Variants in KCNH1 observed in about 807,000 individuals in gnomAD.
The protein encoded by KCNH1 is voltage-gated delayed rectifier potassium channel KCNH1.
In KCNH1, 27 loss-of-function variants were observed where a neutral mutation model predicts 69.2. The observed-to-expected ratio is 0.39, with a 90% CI of 0.29 to 0.54. The LOEUF is 0.54. Among genes scored for constraint, KCNH1 ranks in the 20% least tolerant of loss-of-function variants. The pLI is 0.68. For synonymous variants in KCNH1, 456 were observed against 487.7 expected, an observed-to-expected ratio of 0.93 and a Z score of 0.86; for missense variants, 798 against 1,261.6, an observed-to-expected ratio of 0.63 and a Z score of 5.57.
chr1:211,009,746 C>T (rs1689358598), intron 6 of KCNH1, among the ~76,000 whole-genome samples: 1 of 151,796 alleles, frequency 6.6e-6, no homozygotes. Flanking sequence ...GTGGCTGGGA[C>T]TAGAGGTGCT....
chr1:210,839,331 T>C (rs1280075565), intron 7 of KCNH1, among the ~76,000 whole-genome samples: 1 of 152,192 alleles, frequency 6.6e-6, no homozygotes, highest in East Asian at 1.9e-4. Context: ...ATACTACATG[T>C]TCTCACTTAT....
At chr1:210,712,335 A>G (rs1275085820) in intron 10 of KCNH1, among the ~76,000 whole-genome samples, 2 of 152,220 alleles carry the variant, frequency 1.3e-5, no homozygotes, top group Non-Finnish European at 2.9e-5. Context: ...TTCACATCAA[A>G]TCAACACCTC....
intron 6 of KCNH1, among the ~76,000 whole-genome samples, chr1:210,971,797 T>C (rs911134038): frequency 1.3e-5 from 2 of 152,156 alleles, no homozygotes; most frequent in African/African-American, 4.8e-5. Flanking sequence ...ATACATTGTA[T>C]ATATTATATA....
chr1:210,694,445 GAA>G (rs1681594349), intron 10 of KCNH1, among the ~76,000 whole-genome samples: 1 of 128,062 alleles, frequency 7.8e-6, no homozygotes, highest in Admixed American at 7.8e-5. Context: ...AAAAACAGCT[GAA>G]GGGTGGTGGG....
chr1:210,766,516 G>A (rs75758392), intron 10 of KCNH1, among the ~76,000 whole-genome samples: 2 of 151,890 alleles, frequency 1.3e-5, no homozygotes, highest in Non-Finnish European at 2.9e-5. Flanking sequence ...CAAGATTGAG[G>A]GGGGGTGGGG....
rs538438470 is a variant in KCNH1, at chr1:210,915,144, C to T, written c.1462+4496G>A. On this transcript the variant is annotated intron_variant, in intron 7 of 10. Coordinates refer to ENST00000271751, the MANE Select transcript of KCNH1 (RefSeq NM_172362.3). ...ACTCTTCCCCTGACAATTCTTCTTC[C>T]TTTGAGGGATTCCTCAAAAGCCAGG... Among the ~76,000 whole-genome samples the T allele has an allele frequency of 1.3e-3, 203 of 152,312 alleles. 1 individual carries two copies. The highest frequency in any genetic ancestry group is 3.2e-4 in the Non-Finnish European group (22 of 68,030).
chr1:210,967,297 A>G (rs1688426757), intron 6 of KCNH1, among the ~76,000 whole-genome samples: 1 of 152,188 alleles, frequency 6.6e-6, no homozygotes, highest in Admixed American at 6.6e-5. Context: ...TGTTCTGCAC[A>G]TGTACCCCAG....
intron 10 of KCNH1, among the ~76,000 whole-genome samples, chr1:210,722,577 T>A (rs1682496870): frequency 6.6e-6 from 1 of 152,208 alleles, no homozygotes; most frequent in Non-Finnish European, 1.5e-5. Flanking sequence ...TGCCTCTGTA[T>A]GGCTCTGCCC....
intron 5 of KCNH1, among the ~76,000 whole-genome samples, chr1:211,076,086 G>A (rs1690727653): frequency 6.6e-6 from 1 of 152,254 alleles, no homozygotes; most frequent in Admixed American, 6.5e-5. Flanking sequence ...GGGGAAGCTT[G>A]AACTGGGCAG....
At chr1:210,898,240 A>T (rs192752774) in intron 7 of KCNH1, among the ~76,000 whole-genome samples, 3 of 152,338 alleles carry the variant, frequency 2.0e-5, no homozygotes, top group Admixed American at 2.0e-4. Context: ...CTTTTTAAGT[A>T]TGACTATATT....
At chr1:210,716,460 A>G (rs1682254087) in intron 10 of KCNH1, among the ~76,000 whole-genome samples, 1 of 148,592 alleles carries the variant, frequency 6.7e-6, no homozygotes, top group African/African-American at 2.6e-5. Flanking sequence ...CATGTTACAC[A>G]ACCATCTAGA....
intron 5 of KCNH1, among the ~76,000 whole-genome samples, chr1:211,069,525 C>G (rs948911705): frequency 1.2e-4 from 18 of 152,042 alleles, no homozygotes; most frequent in African/African-American, 4.3e-4. Context: ...TATGCAAGAA[C>G]AGATAGAACT....
At chr1:211,128,921 GGC>G (rs1558616799) in intron 1 of KCNH1, among the ~76,000 whole-genome samples, 1 of 152,070 alleles carries the variant, frequency 6.6e-6, no homozygotes, top group Admixed American at 6.6e-5. Flanking sequence ...AACAAGGAAA[GGC>G]GGCAAAAGAA....
intron 5 of KCNH1, among the ~76,000 whole-genome samples, chr1:211,053,345 A>G (rs1252771967): frequency 2.6e-5 from 4 of 152,232 alleles, no homozygotes; most frequent in African/African-American, 9.6e-5. Context: ...TAACAGAAAT[A>G]CAAACCAGTG....
chr1:210,820,514 G>A lies in KCNH1; in HGVS notation c.1463-16348C>T, dbSNP rs183722205. Among the ~76,000 whole-genome samples the A allele has an allele frequency of 9.5e-4, 145 of 152,182 alleles. 1 individual carries two copies. Among genetic ancestry groups the A allele is most frequent in the Admixed American group, 7.5e-3 (114 of 15,288 alleles). On this transcript the variant is annotated intron_variant, in intron 7 of 10. Coordinates refer to ENST00000271751, the MANE Select transcript of KCNH1 (RefSeq NM_172362.3). ...CCAGGCATGGTGGCACACACCTGTA[G>A]TCTCAGCTTCTCAGGAGCATGAAGC...
chr1:210,793,195 C>T (rs888885525), intron 9 of KCNH1, among the ~76,000 whole-genome samples: 1 of 152,060 alleles, frequency 6.6e-6, no homozygotes, highest in Admixed American at 6.5e-5. Context: ...GAGAGAACAG[C>T]AAAGGGAAAG....
intron 5 of KCNH1, among the ~76,000 whole-genome samples, chr1:211,080,753 C>T (rs565412234): frequency 6.6e-6 from 1 of 152,286 alleles, no homozygotes; most frequent in East Asian, 1.9e-4. Flanking sequence ...GCTGGGAAAA[C>T]TGGCTAGCCA....
intron 7 of KCNH1, among the ~76,000 whole-genome samples, chr1:210,904,837 G>T (rs1035570288): frequency 6.6e-6 from 1 of 152,178 alleles, no homozygotes; most frequent in Non-Finnish European, 1.5e-5. Flanking sequence ...ATGAAATAGA[G>T]CCATTACCTC....
At chr1:210,988,999 G>T (rs1031672839) in intron 6 of KCNH1, among the ~76,000 whole-genome samples, 1 of 152,190 alleles carries the variant, frequency 6.6e-6, no homozygotes, top group African/African-American at 2.4e-5. Flanking sequence ...GTTCAATGTA[G>T]CTCCTTAGAT....
Sources: allele counts gnomAD v4.1 joint callset (sites outside exome capture counted in the v4.1 genomes callset), GRCh38; gene constraint gnomAD v4.1.1; transcripts MANE v1.5; gene names NCBI Gene and HGNC (gene_info 2026-07-23, HGNC 2026-07-21).